Variants in IGBP1C observed in about 807,000 individuals in gnomAD.
IGBP1C encodes IGBP1 family member C.
At chr17:58,661,728 T>A in the IGBP1C span, 2 of 574,024 alleles carry the variant, frequency 3.5e-6, no homozygotes, top group African/African-American at 1.9e-5. Context: ...GGCGGTGGCG[T>A]TGGGGGCGGC....
chr17:58,684,630 CAAATAAATAAATAAATAAATAAAT>C, the IGBP1C span, among the ~76,000 whole-genome samples: 44 of 140,370 alleles, frequency 3.1e-4, no homozygotes, highest in South Asian at 2.3e-4. Flanking sequence ...GACCCTGTCT[CAAATAAATAAATAAATAAATAAAT>C]AAATAAATAA....
At chr17:58,661,743 G>C in the IGBP1C span, 2 of 562,374 alleles carry the variant, frequency 3.6e-6, no homozygotes, top group Admixed American at 6.9e-5. Context: ...GGCGGCATAG[G>C]GGAAGGCAAC....
At chr17:58,666,421 C>T in the IGBP1C span, 1 of 139,992 alleles carries the variant, frequency 7.1e-6, no homozygotes, top group Non-Finnish European at 1.5e-5. Context: ...CACTGCACTC[C>T]AGCCTAGATA....
the IGBP1C span, among the ~76,000 whole-genome samples, chr17:58,682,486 G>A: frequency 1.3e-5 from 2 of 151,996 alleles, no homozygotes; most frequent in Non-Finnish European, 2.9e-5. Context: ...TCGAACTCCT[G>A]ACCCCAAATG....
chr17:58,670,546 G>A, the IGBP1C span, among the ~76,000 whole-genome samples: 1 of 151,828 alleles, frequency 6.6e-6, no homozygotes, highest in Non-Finnish European at 1.5e-5. Flanking sequence ...GGCTGAAGTG[G>A]GTAGATCACT....
chr17:58,662,232 G>A, the IGBP1C span, among the ~76,000 whole-genome samples: 1 of 151,564 alleles, frequency 6.6e-6, no homozygotes, highest in African/African-American at 2.4e-5. Flanking sequence ...GGGCGGACTA[G>A]GAGGTCAGGA....
the IGBP1C span, chr17:58,661,419 G>A: frequency 4.8e-6 from 4 of 833,462 alleles, 1 homozygote; most frequent in South Asian, 5.3e-5. Context: ...AACAAGTCAA[G>A]CTGCGATAAC....
At chr17:58,687,454 G>A in the IGBP1C span, among the ~76,000 whole-genome samples, 1 of 152,016 alleles carries the variant, frequency 6.6e-6, no homozygotes, top group African/African-American at 2.4e-5. Flanking sequence ...GTTACAGAGT[G>A]GTGCCCTGAT....
chr17:58,666,665 A>C, the IGBP1C span: 1 of 152,180 alleles, frequency 6.6e-6, no homozygotes, highest in African/African-American at 2.4e-5. Flanking sequence ...AACCACCTCC[A>C]TAATCACAGT....
the IGBP1C span, among the ~76,000 whole-genome samples, chr17:58,681,384 C>T: frequency 6.6e-6 from 1 of 152,138 alleles, no homozygotes; most frequent in Non-Finnish European, 1.5e-5. Flanking sequence ...TTCTGTGATG[C>T]AACCAGACAC....
chr17:58,682,866 C>A, the IGBP1C span, among the ~76,000 whole-genome samples: 15 of 152,160 alleles, frequency 9.9e-5, no homozygotes, highest in Middle Eastern at 6.8e-3. Context: ...CTGTTATAAT[C>A]CTCACAGAGG....
At chr17:58,673,504 T>TAAA in the IGBP1C span, among the ~76,000 whole-genome samples, 1 of 151,374 alleles carries the variant, frequency 6.6e-6, no homozygotes, top group Middle Eastern at 3.4e-3. Flanking sequence ...AATAAATAAA[T>TAAA]AAATAAATAA....
the IGBP1C span, among the ~76,000 whole-genome samples, chr17:58,685,509 T>C: frequency 6.6e-6 from 1 of 150,854 alleles, no homozygotes; most frequent in South Asian, 2.1e-4. Context: ...AGAGGTAATA[T>C]TATAGACATA....
chr17:58,661,785 T>G, the IGBP1C span: 1 of 519,348 alleles, frequency 1.9e-6, no homozygotes, highest in African/African-American at 1.9e-5. Context: ...GAATCGCTGC[T>G]CCACTCCGGG....
At chr17:58,674,185 G>T in the IGBP1C span, among the ~76,000 whole-genome samples, 1 of 151,770 alleles carries the variant, frequency 6.6e-6, no homozygotes, top group African/African-American at 2.4e-5. Flanking sequence ...CTAAGGCAGG[G>T]GAATTGCTTG....
the IGBP1C span, among the ~76,000 whole-genome samples, chr17:58,679,090 G>T: frequency 1.3e-5 from 2 of 152,058 alleles, no homozygotes; most frequent in Non-Finnish European, 2.9e-5. Context: ...TGAGGCTGAG[G>T]TTGCTGTGAG....
the IGBP1C span, chr17:58,660,891 G>A: frequency 8.6e-6 from 7 of 816,810 alleles, no homozygotes; most frequent in Middle Eastern, 2.2e-4. Flanking sequence ...GGCCTCTTCT[G>A]GTGACATGAG....
chr17:58,663,727 C>T, the IGBP1C span, among the ~76,000 whole-genome samples: 2 of 152,064 alleles, frequency 1.3e-5, no homozygotes, highest in African/African-American at 2.4e-5. Flanking sequence ...CTTGACCTCC[C>T]GAAGTGCTGG....
the IGBP1C span, among the ~76,000 whole-genome samples, chr17:58,688,332 C>T: frequency 7.9e-5 from 12 of 152,248 alleles, no homozygotes; most frequent in East Asian, 2.1e-3. Context: ...ATCGCCCAGG[C>T]TGGTCTTGAA....
Sources: allele counts gnomAD v4.1 joint callset (sites outside exome capture counted in the v4.1 genomes callset), GRCh38; gene constraint gnomAD v4.1.1; transcripts MANE v1.5; gene names NCBI Gene and HGNC (gene_info 2026-07-23, HGNC 2026-07-21).